TTC29: variants seen among roughly 807,000 people sequenced by gnomAD.
The protein encoded by TTC29 is tetratricopeptide repeat protein 29.
Under a neutral mutation model 58.1 loss-of-function variants are expected in TTC29, and 49 were observed. That is an observed-to-expected ratio of 0.84 (90% CI 0.67 to 1.07). The LOEUF (loss-of-function observed/expected upper bound fraction) is 1.07. TTC29 is among the 50% of genes least tolerant of loss of function. The pLI is 0.00. For missense variants in TTC29, 582 were observed against 555.6 expected (o/e 1.05, Z -0.48); for synonymous variants, 209 against 196.8 (o/e 1.06, Z -0.52).
At chr4:146,757,218 CA>C (rs367768415) in intron 11 of TTC29, among the ~76,000 whole-genome samples, 1 of 151,548 alleles carries the variant, frequency 6.6e-6, no homozygotes, top group Non-Finnish European at 1.5e-5. Flanking sequence ...TTTTTTGTCC[CA>C]GGGGGTGTTC....
chr4:146,887,181 A>G (rs572584153), intron 6 of TTC29, among the ~76,000 whole-genome samples: 1 of 152,302 alleles, frequency 6.6e-6, no homozygotes, highest in African/African-American at 2.4e-5. Flanking sequence ...TTGGGAACTT[A>G]AAAATCTTTT....
chr4:146,713,803 T>TGAA (rs1440848798), intron 11 of TTC29, among the ~76,000 whole-genome samples: 3 of 152,120 alleles, frequency 2.0e-5, no homozygotes, highest in Non-Finnish European at 4.4e-5. Context: ...TAGGCCTGAA[T>TGAA]GAAGCATTGA....
At chr4:146,908,625 C>T (rs1733683566) in intron 5 of TTC29, among the ~76,000 whole-genome samples, 1 of 152,118 alleles carries the variant, frequency 6.6e-6, no homozygotes, top group Admixed American at 6.5e-5. Flanking sequence ...ACTATCTAAA[C>T]TTAGGAAAAT....
intron 4 of TTC29, among the ~76,000 whole-genome samples, chr4:146,909,851 A>C (rs374402906): frequency 6.6e-6 from 1 of 152,298 alleles, no homozygotes; most frequent in African/African-American, 2.4e-5. Context: ...TCAAGCGACA[A>C]ATAGGTGCTG....
At chr4:146,942,771 C>T in intron 2 of TTC29, 1 of 627,644 alleles carries the variant, frequency 1.6e-6, no homozygotes, top group Non-Finnish European at 2.6e-6. Flanking sequence ...AGACTCTTTT[C>T]TAAAAGCCCC....
chr4:146,890,643 GA>G (rs906882517), intron 6 of TTC29, among the ~76,000 whole-genome samples: 16 of 152,296 alleles, frequency 1.1e-4, no homozygotes, highest in Non-Finnish European at 2.1e-4. Flanking sequence ...GGCTTCATTT[GA>G]AAAAATGAAA....
At chr4:146,786,065 T>C (rs1018944795) in intron 11 of TTC29, among the ~76,000 whole-genome samples, 21 of 152,184 alleles carry the variant, frequency 1.4e-4, no homozygotes, top group Non-Finnish European at 2.5e-4. Flanking sequence ...ACCAGAAGAA[T>C]ATTCCTGTGA....
intron 6 of TTC29, among the ~76,000 whole-genome samples, chr4:146,878,011 G>C (rs1372113226): frequency 6.6e-6 from 1 of 152,110 alleles, no homozygotes; most frequent in East Asian, 1.9e-4. Flanking sequence ...TGGAGGGAAG[G>C]CTGGGGCTGT....
At chr4:146,752,749 A>G (rs1170228631) in intron 11 of TTC29, among the ~76,000 whole-genome samples, 4 of 152,306 alleles carry the variant, frequency 2.6e-5, no homozygotes, top group South Asian at 2.1e-4. Flanking sequence ...ATAATGCCAC[A>G]TATCTACAAC....
chr4:146,820,582 A>T (rs1383200184), intron 9 of TTC29, among the ~76,000 whole-genome samples: 2 of 152,226 alleles, frequency 1.3e-5, no homozygotes, highest in African/African-American at 4.8e-5. Context: ...CAAGTGAAGC[A>T]AAAATATGTC....
rs560304969 is a variant in TTC29, at chr4:146,848,228, G to A, written c.886-14331C>T. On this transcript the variant is annotated intron_variant, in intron 8 of 12. Coordinates refer to ENST00000325106, the MANE Select transcript of TTC29 (RefSeq NM_031956.4). ...CTTTCTTCACCTCAGCCTATGCAAA[G>A]AGTATAATAAAGCATTAATCGAGTA... Among the ~76,000 whole-genome samples the A allele has an allele frequency of 2.0e-5, 3 of 152,308 alleles. No homozygotes were observed. In the East Asian group the frequency reaches 5.8e-4, roughly 29 times the overall value.
chr4:146,728,893 A>AAG (rs1554006162), intron 11 of TTC29, among the ~76,000 whole-genome samples: 1 of 26,924 alleles, frequency 3.7e-5, no homozygotes, highest in Non-Finnish European at 1.0e-4. Flanking sequence ...ATATGTGTGT[A>AAG]TGTATATATA....
intron 4 of TTC29, among the ~76,000 whole-genome samples, chr4:146,913,090 G>A (rs1290746942): frequency 3.3e-5 from 5 of 152,108 alleles, no homozygotes; most frequent in African/African-American, 1.2e-4. Context: ...GCAGTTTGGG[G>A]GGTGACATAG....
At position 146,817,155 on chromosome 4, in the gene TTC29, G is replaced by A. The variant is rs538926381; in HGVS notation, c.1101+2970C>T. 5.3e-4 allele frequency among the ~76,000 whole-genome samples: 81 copies of A among 152,314 alleles called. 1 individual carries two copies. The highest frequency in any genetic ancestry group is 9.0e-4 in the Non-Finnish European group (61 of 68,032). The stretch of plus-strand genomic sequence containing the variant: ...GGAAGTCAAATTGTCTCTGTTTGCA[G>A]ACGACATGATTGTATACCTAGAAAA... On this transcript the variant is annotated intron_variant, in intron 10 of 12. Transcript: ENST00000325106.
At chr4:146,837,949 A>G (rs1469870691) in intron 8 of TTC29, among the ~76,000 whole-genome samples, 1 of 152,086 alleles carries the variant, frequency 6.6e-6, no homozygotes, top group Non-Finnish European at 1.5e-5. Flanking sequence ...GTAAGTTTCA[A>G]TGGACACCAA....
At chr4:146,858,451 A>T (rs1443422673) in intron 8 of TTC29, among the ~76,000 whole-genome samples, 3 of 152,152 alleles carry the variant, frequency 2.0e-5, no homozygotes, top group African/African-American at 7.2e-5. Context: ...GCTCTTTTTC[A>T]TGTAATATAT....
At chr4:146,770,594 A>G (rs1747656659) in intron 11 of TTC29, among the ~76,000 whole-genome samples, 1 of 152,032 alleles carries the variant, frequency 6.6e-6, no homozygotes, top group Non-Finnish European at 1.5e-5. Context: ...ATTGCATAAG[A>G]GATAACATTC....
chr4:146,875,575 C>T (rs1731203749), intron 6 of TTC29, among the ~76,000 whole-genome samples: 1 of 152,116 alleles, frequency 6.6e-6, no homozygotes, highest in African/African-American at 2.4e-5. Flanking sequence ...GCCTTGAACT[C>T]CTGAGCTCAA....
intron 8 of TTC29, among the ~76,000 whole-genome samples, chr4:146,864,316 C>T (rs1730432096): frequency 6.6e-6 from 1 of 152,164 alleles, no homozygotes. Context: ...TATACTTAGC[C>T]TGTTACCAAG....
Sources: allele counts gnomAD v4.1 joint callset (sites outside exome capture counted in the v4.1 genomes callset), GRCh38; gene constraint gnomAD v4.1.1; transcripts MANE v1.5; gene names NCBI Gene and HGNC (gene_info 2026-07-23, HGNC 2026-07-21).